Variants in MUC5AC observed in about 807,000 individuals in gnomAD.
MUC5AC encodes mucin-5AC.
MUC5AC carries 158 observed loss-of-function variants against 169.7 expected under a neutral mutation model. The ratio of observed to expected loss-of-function variants is 0.93; its 90% CI spans 0.82 to 1.06. MUC5AC has a LOEUF of 1.06. MUC5AC is among the 50% of genes least tolerant of loss of function. The probability of loss-of-function intolerance (pLI) is 0.00; values close to 1 mark genes in which losing one functional copy is unlikely to be tolerated. For synonymous variants in MUC5AC, 1,975 were observed against 1,237.0 expected (o/e 1.60, Z -12.52); for missense variants, 4,359 against 3,089.9 (o/e 1.41, Z -9.74).
Position 1,164,140 on chromosome 11 carries a change from T to C in MUC5AC, c.824T>C (p.Phe275Ser). 3 of 1,612,360 alleles carry C rather than the reference T, an allele frequency of 1.9e-6. No individual in the cohort carries two copies. The highest frequency in any genetic ancestry group is 2.5e-6 in the Non-Finnish European group (3 of 1,179,854). ...ICEELLHGQL[F>S]SGCVALVDVG... ...GAGGAGCTCCTGCACGGCCAGCTGTTCTCTGGCTGCGTGGCCCTGGTGGAC... is the reference window on the plus strand; with the variant it reads ...GAGGAGCTCCTGCACGGCCAGCTGTCCTCTGGCTGCGTGGCCCTGGTGGAC... The change falls in exon 8 of 49, where the codon TTC (phenylalanine) becomes TCC (serine). Residue 275 changes from phenylalanine (F) to serine (S), a missense_variant. By Grantham distance (155) the Phe-to-Ser change is radical (BLOSUM62 -2). Coordinates refer to ENST00000621226, the MANE Select transcript of MUC5AC (RefSeq NM_001304359.2).
rs776443755 is a variant in MUC5AC, at chr11:1,197,526, C to T, written c.15920C>T (p.Thr5307Met). The change falls in exon 41 of 49, where the codon ACG becomes ATG. Residue 5307 changes from threonine to methionine, a missense_variant. By Grantham distance (81) the Thr-to-Met change is moderately conservative. Coordinates refer to ENST00000621226, the MANE Select transcript of MUC5AC (RefSeq NM_001304359.2). Reference protein sequence around the residue: ...QECTCEAATWTLTCRPKLCPL... With the variant: ...QECTCEAATWMLTCRPKLCPL... The stretch of plus-strand genomic sequence containing the variant: ...TGCACGTGTGAGGCGGCCACGTGGA[C>T]GCTGACCTGCCGACCCAAGCTCTGC... 69 of 715,910 alleles carry T rather than the reference C, an allele frequency of 9.6e-5. No individual in the cohort carries two copies. Among genetic ancestry groups the T allele is most frequent in the East Asian group, 7.9e-4 (30 of 38,214 alleles). 44.3% of individuals were successfully genotyped at this position (715,910 alleles called of 1,614,324 possible).
chr11:1,195,857 C>T lies in MUC5AC; in HGVS notation c.15459-19C>T, dbSNP rs752392024. The T allele has an allele frequency of 1.7e-5, 13 of 757,964 alleles. No homozygotes were observed. Among genetic ancestry groups the T allele is most frequent in the Non-Finnish European group, 3.1e-5 (13 of 413,466 alleles). The allele number at this position is 757,964 out of a possible 1,614,324, so 47.0% of individuals were successfully genotyped here. A position where few individuals can be genotyped will look rare whatever the true frequency, so the allele number is the denominator to read the frequency against. ...GGCCGGAGAGGCTGCACCCAGCACCCTGCCCATCCCTCCCACAGGGTCTTT... is the reference window on the plus strand; with the variant it reads ...GGCCGGAGAGGCTGCACCCAGCACCTTGCCCATCCCTCCCACAGGGTCTTT... On this transcript the variant is annotated intron_variant, in intron 36 of 48. Coordinates refer to ENST00000621226, the MANE Select transcript of MUC5AC (RefSeq NM_001304359.2).
chr11:1,169,785 C>A (rs1166901796), intron 15 of MUC5AC, among the ~76,000 whole-genome samples: 1 of 146,830 alleles, frequency 6.8e-6, no homozygotes, highest in South Asian at 2.3e-4. Flanking sequence ...CACCCACTCA[C>A]GCTTTCACCC....
chr11:1,178,501 A>G lies in MUC5AC; in HGVS notation c.3145A>G (p.Thr1049Ala). 1.7e-6 allele frequency: 2 copies of G among 1,157,740 alleles called. No individual in the cohort carries two copies. The highest frequency in any genetic ancestry group is 2.3e-5 in the South Asian group (1 of 43,270). The allele number at this position is 1,157,740 out of a possible 1,614,324, so 71.7% of individuals were successfully genotyped here. Residue 1049 changes from threonine (T) to alanine (A), a missense_variant, in exon 25 of 49, where the codon ACG (threonine) becomes GCG (alanine). Physicochemically the swap from Thr to Ala is moderately conservative, Grantham distance 58. Coordinates refer to ENST00000621226, the MANE Select transcript of MUC5AC (RefSeq NM_001304359.2). ...CGACATCGCCGTTAATGACTTTGCCACGCGGAGCCGGTCTGTGGTGGGGGA... is the reference window on the plus strand; with the variant it reads ...CGACATCGCCGTTAATGACTTTGCCGCGCGGAGCCGGTCTGTGGTGGGGGA... ...FDDIAVNDFA[T>A]RSRSVVGDVL... is the part of the protein sequence containing the mutation.
chr11:1,182,452 G>A lies in MUC5AC; in HGVS notation c.4307G>A (p.Gly1436Glu). 1 of 398,692 alleles carries A rather than the reference G, an allele frequency of 2.5e-6. No individual in the cohort carries two copies. The highest frequency in any genetic ancestry group is 4.4e-6 in the Non-Finnish European group (1 of 226,108). 24.7% of individuals were successfully genotyped at this position (398,692 alleles called of 1,614,324 possible). A position where few individuals can be genotyped will look rare whatever the true frequency, so the allele number is the denominator to read the frequency against. Residue 1436 changes from glycine (G) to glutamate (E), a missense_variant, in exon 31 of 49, where the codon GGA becomes GAA. By Grantham distance (98) the Gly-to-Glu change is moderately conservative. Transcript: ENST00000621226. ...SVECRAEDAPGVPLRALGQRV... is the reference protein window; with the variant it reads ...SVECRAEDAPEVPLRALGQRV... Reference sequence around the variant, plus strand: ...GAGTGCCGAGCTGAGGACGCCCCCGGAGTGCCGCTCCGAGCCCTGGGGCAG... The same window carrying A: ...GAGTGCCGAGCTGAGGACGCCCCCGAAGTGCCGCTCCGAGCCCTGGGGCAG...
chr11:1,193,764 A>G, intron 33 of MUC5AC, 105 bp downstream of exon 33: 2 of 677,570 alleles, frequency 3.0e-6, no homozygotes, highest in Non-Finnish European at 5.4e-6. Context: ...GCAGAAAAGA[A>G]TTGGGTGGGA....
Position 1,186,939 on chromosome 11 carries a change from A to G in MUC5AC, c.8794A>G (p.Thr2932Ala). ...CACAACCTCAGCTACTACAACCAGC[A>G]CAATCTCTGTTCCTACAACCAGCAC... ...SSTTSATTTSTISVPTTSTTS... is the reference protein window; with the variant it reads ...SSTTSATTTSAISVPTTSTTS... The change falls in exon 31 of 49, where the codon ACA becomes GCA. Residue 2932 changes from threonine to alanine, a missense_variant. By Grantham distance (58) the Thr-to-Ala change is moderately conservative. Coordinates refer to ENST00000621226, the MANE Select transcript of MUC5AC (RefSeq NM_001304359.2). The G allele has an allele frequency of 1.4e-6, 1 of 726,630 alleles. No homozygotes were observed. The highest frequency in any genetic ancestry group is 2.5e-6 in the Non-Finnish European group (1 of 398,422). 45.0% of individuals were successfully genotyped at this position (726,630 alleles called of 1,614,324 possible).
chr11:1,185,336 C>T lies in MUC5AC; in HGVS notation c.7191C>T (p.Ser2397=), dbSNP rs1314256936. 6 of 688,478 alleles carry T rather than the reference C, an allele frequency of 8.7e-6. No homozygotes were observed. In the African/African-American group the frequency reaches 9.1e-5, roughly 10 times the overall value. The allele number at this position is 688,478 out of a possible 1,614,324, so 42.6% of individuals were successfully genotyped here. ...SRISGPETTP[S]PVPTTSTTSA... ...TCTCTGGTCCTGAAACTACTCCCAG[C>T]CCTGTTCCTACCACCAGCACAACCT... The change falls in exon 31 of 49, where the codon AGC becomes AGT. Residue 2397 remains serine (S), a synonymous_variant. Coordinates refer to ENST00000621226, the MANE Select transcript of MUC5AC (RefSeq NM_001304359.2).
intron 6 of MUC5AC, 130 bp downstream of exon 6, chr11:1,163,175 T>A: frequency 1.2e-6 from 1 of 865,774 alleles, no homozygotes; most frequent in South Asian, 1.4e-5. Context: ...CCCTCCCTCC[T>A]AGCACAGCAC....
chr11:1,192,411 G>A lies in MUC5AC; in HGVS notation c.14266G>A (p.Val4756Ile), dbSNP rs745789963. 3 of 765,116 alleles carry A rather than the reference G, an allele frequency of 3.9e-6. No individual in the cohort carries two copies. Among genetic ancestry groups the A allele is most frequent in the South Asian group, 2.7e-5 (2 of 74,624 alleles). 47.4% of individuals were successfully genotyped at this position (765,116 alleles called of 1,614,324 possible). ...ALYPSLSTSM[V>I]SASVASTSVA... ...GTATCCTTCCCTGTCTACTTCCATG[G>A]TATCCGCCTCCGTGGCATCCACCTC... The change falls in exon 31 of 49, where the codon GTA (valine) becomes ATA (isoleucine). Residue 4756 changes from valine (V) to isoleucine (I), a missense_variant. Transcript: ENST00000621226.
chr11:1,170,001 T>C (rs1363077079), intron 15 of MUC5AC, among the ~76,000 whole-genome samples: 63 of 76,492 alleles, frequency 8.2e-4, no homozygotes, highest in South Asian at 1.6e-3. Context: ...CATTCACCCA[T>C]TCACCCACTC....
Position 1,168,468 on chromosome 11 carries a change from T to A in MUC5AC, c.1498-15T>A, listed in dbSNP as rs1290861206. 1 of 1,611,560 alleles carries A rather than the reference T, an allele frequency of 6.2e-7. No individual in the cohort carries two copies. Among genetic ancestry groups the A allele is most frequent in the African/African-American group, 1.3e-5 (1 of 74,856 alleles). ...AGCCTGCCCCGCGCTCACACATCTG[T>A]CTGGCTGCCCTCAGGTGGTGGTGAT... On this transcript the variant is annotated splice_polypyrimidine_tract_variant and intron_variant, in intron 12 of 48. Transcript: ENST00000621226.
rs1248542330 is a variant in MUC5AC at position 1,186,375 on chromosome 11, C to T, written c.8230C>T (p.Pro2744Ser). The change falls in exon 31 of 49, where the codon CCT becomes TCT. Residue 2744 changes from proline (P) to serine (S), a missense_variant. By Grantham distance (74) the Pro-to-Ser change is moderately conservative. Coordinates refer to ENST00000621226, the MANE Select transcript of MUC5AC (RefSeq NM_001304359.2). Reference sequence around the variant, plus strand: ...CACTACAACCAGCACGACCTCTGCTCCTACACCCAGAAGAACCTCAGCCCC... The same window carrying T: ...CACTACAACCAGCACGACCTCTGCTTCTACACCCAGAAGAACCTCAGCCCC... ...SATTTSTTSAPTPRRTSAPTT... is the reference protein window; with the variant it reads ...SATTTSTTSASTPRRTSAPTT... The T allele has an allele frequency of 2.5e-5, 18 of 711,342 alleles. 1 individual carries two copies. Among genetic ancestry groups the T allele is most frequent in the South Asian group, 5.8e-5 (4 of 68,402 alleles). 44.1% of individuals were successfully genotyped at this position (711,342 alleles called of 1,614,324 possible). A position where few individuals can be genotyped will look rare whatever the true frequency, so the allele number is the denominator to read the frequency against.
rs751878587 is a variant in MUC5AC at position 1,165,667 on chromosome 11, G to C, written c.1293G>C (p.Pro431=). 6.2e-7 allele frequency: 1 copy of C among 1,612,444 alleles called. No homozygotes were observed. Among genetic ancestry groups the C allele is most frequent in the South Asian group, 1.1e-5 (1 of 91,088 alleles). ...GRWSCQEVPC[P]GTCSVLGGAH... ...GGAGCTGCCAGGAGGTTCCATGCCC[G>C]GGTACCTGCTCTGTGCTTGGAGGTG... The change falls in exon 11 of 49, where the codon CCG becomes CCC. Residue 431 remains proline, a synonymous_variant. Transcript: ENST00000621226.
rs533505088 is a variant in MUC5AC, at chr11:1,164,403, G to A, written c.1004-4G>A. Reference sequence around the variant, plus strand: ...GACGTGAGCCCTCTCTCTGCCTCCCGCAGCCCAGAAGTGCCCCAACAACAT... The same window carrying A: ...GACGTGAGCCCTCTCTCTGCCTCCCACAGCCCAGAAGTGCCCCAACAACAT... On this transcript the variant is annotated splice_polypyrimidine_tract_variant and splice_region_variant and intron_variant, in intron 8 of 48. Coordinates refer to ENST00000621226, the MANE Select transcript of MUC5AC (RefSeq NM_001304359.2). 1.4e-5 allele frequency: 23 copies of A among 1,612,036 alleles called. 1 individual carries two copies. The Middle Eastern group carries it at 1.2e-3, about 81-fold the overall frequency.
At chr11:1,169,756 CCTCA>C (rs1395365056) in intron 15 of MUC5AC, among the ~76,000 whole-genome samples, 2 of 146,448 alleles carry the variant, frequency 1.4e-5, no homozygotes, top group Admixed American at 6.8e-5. Context: ...CACTCACTCA[CCTCA>C]CTCACTCGCC....
At chr11:1,198,582 G>T (rs988340498) in intron 43 of MUC5AC, among the ~76,000 whole-genome samples, 27 of 152,142 alleles carry the variant, frequency 1.8e-4, no homozygotes, top group African/African-American at 5.3e-4. Flanking sequence ...GGATCCCACG[G>T]CTCTGTCCTG....
chr11:1,180,301 G>A (rs978311681), intron 27 of MUC5AC, 53 bp from the exon 28 acceptor site: 1 of 398,674 alleles, frequency 2.5e-6, no homozygotes, highest in Non-Finnish European at 4.4e-6. Flanking sequence ...GCCCTCCAGA[G>A]CGAGGTGGAC....
Position 1,200,811 on chromosome 11 carries a change from G to T in MUC5AC, c.*109G>T, listed in dbSNP as rs1426213950. 4.6e-6 allele frequency: 3 copies of T among 657,326 alleles called. No individual in the cohort carries two copies. The highest frequency in any genetic ancestry group is 3.6e-5 in the African/African-American group (2 of 55,784). 40.7% of individuals were successfully genotyped at this position (657,326 alleles called of 1,614,324 possible). On this transcript the variant is annotated 3_prime_UTR_variant, in exon 49 of 49. Coordinates refer to ENST00000621226, the MANE Select transcript of MUC5AC (RefSeq NM_001304359.2). Reference sequence around the variant, plus strand: ...CCCCTGTCCAGGCGGCTGCAGCTTTGAACACACTGTCCACGCCCGCTTTCT... The same window carrying T: ...CCCCTGTCCAGGCGGCTGCAGCTTTTAACACACTGTCCACGCCCGCTTTCT...
Sources: allele counts gnomAD v4.1 joint callset (sites outside exome capture counted in the v4.1 genomes callset), GRCh38; gene constraint gnomAD v4.1.1; transcripts MANE v1.5; gene names NCBI Gene and HGNC (gene_info 2026-07-23, HGNC 2026-07-21).